Variants in CNTLN observed in about 807,000 individuals in gnomAD.
CNTLN encodes centlein.
CNTLN carries 212 observed loss-of-function variants against 180.0 expected under a neutral mutation model. That is an observed-to-expected ratio of 1.18 (90% CI 1.05 to 1.32). The LOEUF (loss-of-function observed/expected upper bound fraction) is 1.32. CNTLN is among the 40% of genes most tolerant of loss of function. The pLI is 0.00. For synonymous variants in CNTLN, 722 were observed against 563.1 expected (o/e 1.28, Z -3.99); for missense variants, 2,095 against 1,610.9 (o/e 1.30, Z -5.14).
chr9:17,357,838 A>C (rs941005609), intron 12 of CNTLN, among the ~76,000 whole-genome samples: 4 of 151,658 alleles, frequency 2.6e-5, no homozygotes, highest in Admixed American at 1.3e-4. Flanking sequence ...TAATGACTAA[A>C]TAATAAAATT....
At chr9:17,189,490 G>T (rs1262083555) in intron 2 of CNTLN, among the ~76,000 whole-genome samples, 4 of 136,610 alleles carry the variant, frequency 2.9e-5, no homozygotes, top group Non-Finnish European at 6.4e-5. Context: ...TGTTGTTTTT[G>T]TTTTTTTTTT....
chr9:17,494,973 C>T (rs1833373579), intron 25 of CNTLN: 1 of 450,058 alleles, frequency 2.2e-6, no homozygotes, highest in African/African-American at 2.0e-5. Context: ...CCTCCGCCTG[C>T]CAGACTCGAG....
chr9:17,461,504 T>C (rs1414847355), intron 19 of CNTLN, among the ~76,000 whole-genome samples: 1 of 151,690 alleles, frequency 6.6e-6, no homozygotes, highest in Non-Finnish European at 1.5e-5. Context: ...AAATTAATGT[T>C]TCATGTAAAA....
At chr9:17,138,845 A>G (rs945775098) in intron 1 of CNTLN, among the ~76,000 whole-genome samples, 1 of 152,168 alleles carries the variant, frequency 6.6e-6, no homozygotes, top group Non-Finnish European at 1.5e-5. Flanking sequence ...CCAGTGAAAA[A>G]TGGCAATTTG....
the CNTLN span, among the ~76,000 whole-genome samples, chr9:17,523,166 A>G: frequency 6.6e-6 from 1 of 152,156 alleles, no homozygotes; most frequent in African/African-American, 2.4e-5. Context: ...CTCATCTAAA[A>G]AAGCCTTATA....
At chr9:17,462,676 CTT>C (rs1831522256) in intron 19 of CNTLN, among the ~76,000 whole-genome samples, 1 of 151,622 alleles carries the variant, frequency 6.6e-6, no homozygotes, top group South Asian at 2.1e-4. Context: ...GATACATACT[CTT>C]TGCAATTCTT....
intron 25 of CNTLN, among the ~76,000 whole-genome samples, chr9:17,493,653 G>C (rs1187403882): frequency 6.6e-6 from 1 of 152,014 alleles, no homozygotes; most frequent in Admixed American, 6.5e-5. Context: ...TTTTTCCTTG[G>C]CTGCAGAAAA....
rs143502341 is a variant in CNTLN, at chr9:17,258,459, G to A, written c.850-15274G>A. On this transcript the variant is annotated intron_variant, in intron 5 of 25. Coordinates refer to ENST00000380647, the MANE Select transcript of CNTLN (RefSeq NM_017738.4). ...TGGCTTAGGATTGACTTGGCGATGC[G>A]GGCTCTCTTTTGGTTCCATATGAAC... Among the ~76,000 whole-genome samples, 568 of 151,360 alleles carry A rather than the reference G, an allele frequency of 3.8e-3. 8 individuals are homozygous for A. Among genetic ancestry groups the A allele is most frequent in the Admixed American group, 6.6e-3 (100 of 15,248 alleles).
At chr9:17,311,451 G>GTT (rs112794584) in intron 8 of CNTLN, among the ~76,000 whole-genome samples, 27,303 of 133,638 alleles carry the variant, frequency 0.2, 3,116 homozygotes, top group South Asian at 0.37. Context: ...GGGTTTTTCT[G>GTT]TTTTTTTTTT....
intron 12 of CNTLN, among the ~76,000 whole-genome samples, chr9:17,343,743 C>T (rs973654171): frequency 3.3e-5 from 5 of 152,012 alleles, no homozygotes; most frequent in African/African-American, 7.3e-5. Context: ...AGAGCTGCAC[C>T]GTCCATTATC....
intron 14 of CNTLN, among the ~76,000 whole-genome samples, chr9:17,389,505 T>A (rs1825936527): frequency 1.3e-5 from 2 of 152,166 alleles, no homozygotes; most frequent in South Asian, 4.1e-4. Flanking sequence ...CAATAGTAGA[T>A]CCAGACATCC....
At chr9:17,388,370 A>C (rs1825848665) in intron 14 of CNTLN, 117 bp downstream of exon 14, 1 of 639,056 alleles carries the variant, frequency 1.6e-6, no homozygotes. Context: ...CTTAATTTAA[A>C]TTCATAATTC....
chr9:17,511,768 C>T, the CNTLN span, among the ~76,000 whole-genome samples: 2 of 152,054 alleles, frequency 1.3e-5, no homozygotes, highest in African/African-American at 4.8e-5. Flanking sequence ...TCATGAGCTG[C>T]CCACCACAGC....
chr9:17,527,561 T>A, the CNTLN span, among the ~76,000 whole-genome samples: 36 of 152,112 alleles, frequency 2.4e-4, no homozygotes, highest in Middle Eastern at 3.4e-3. Context: ...TTCTTACTGG[T>A]GGAGTGGGTA....
At chr9:17,172,716 G>T (rs940890224) in intron 2 of CNTLN, among the ~76,000 whole-genome samples, 61 of 151,998 alleles carry the variant, frequency 4.0e-4, no homozygotes, top group Admixed American at 7.9e-4. Context: ...ATTTTACTTA[G>T]AAAAGGCTGA....
chr9:17,279,060 C>G (rs1828496869), intron 6 of CNTLN, among the ~76,000 whole-genome samples: 2 of 149,066 alleles, frequency 1.3e-5, no homozygotes, highest in Non-Finnish European at 3.0e-5. Context: ...TAAGAACAAA[C>G]TGATACGAAA....
intron 5 of CNTLN, among the ~76,000 whole-genome samples, chr9:17,248,994 G>A (rs1297960494): frequency 6.6e-6 from 1 of 151,536 alleles, no homozygotes; most frequent in Non-Finnish European, 1.5e-5. Context: ...TTGCAAAATT[G>A]AACATTCTTT....
chr9:17,256,749 G>C (rs1826522018), intron 5 of CNTLN, among the ~76,000 whole-genome samples: 1 of 151,852 alleles, frequency 6.6e-6, no homozygotes, highest in Admixed American at 6.6e-5. Flanking sequence ...TACTTTTCTT[G>C]TACAACTCAA....
intron 16 of CNTLN, among the ~76,000 whole-genome samples, chr9:17,411,629 T>G (rs1827849041): frequency 6.6e-6 from 1 of 152,098 alleles, no homozygotes; most frequent in African/African-American, 2.4e-5. Flanking sequence ...GAGCTCTGCC[T>G]CCCGTTAGAC....
Sources: allele counts gnomAD v4.1 joint callset (sites outside exome capture counted in the v4.1 genomes callset), GRCh38; gene constraint gnomAD v4.1.1; transcripts MANE v1.5; gene names NCBI Gene and HGNC (gene_info 2026-07-23, HGNC 2026-07-21).